Variants in CPHXL observed in about 807,000 individuals in gnomAD.
CPHXL encodes the protein cytoplasmic polyadenylated homeobox like.
chr16:75,715,343 G>T (rs1355902521), intron 2 of CPHXL, 121 bp from the exon 3 acceptor site: 1 of 397,302 alleles, frequency 2.5e-6, no homozygotes, highest in East Asian at 3.6e-5. Flanking sequence ...TCCCTGACTT[G>T]CCTGCTGACA....
intron 1 of CPHXL, among the ~76,000 whole-genome samples, chr16:75,720,396 G>A (rs533297672): frequency 6.6e-6 from 1 of 152,086 alleles, no homozygotes; most frequent in South Asian, 2.1e-4. Context: ...ACCAAAGCAG[G>A]GAAGTCGTTA....
At chr16:75,726,082 G>C (rs1418236308) in intron 1 of CPHXL, among the ~76,000 whole-genome samples, 1 of 151,292 alleles carries the variant, frequency 6.6e-6, no homozygotes, top group East Asian at 2.0e-4. Context: ...TTGAGGTTAA[G>C]AAAGATACAC....
intron 1 of CPHXL, among the ~76,000 whole-genome samples, chr16:75,719,653 C>T (rs1483700820): frequency 2.0e-5 from 3 of 152,194 alleles, no homozygotes; most frequent in African/African-American, 7.2e-5. Context: ...GGCCTGCCTG[C>T]CTCTCTAGAC....
chr16:75,714,293 A>C lies in CPHXL; in HGVS notation c.1149T>G (p.Leu383=), dbSNP rs882263. ...CCTGCATATCTTGCCCCAGAGGCAGAAGGGGTGAGTCGGCAGCTATTTGGA... is the reference window on the plus strand; with the variant it reads ...CCTGCATATCTTGCCCCAGAGGCAGCAGGGGTGAGTCGGCAGCTATTTGGA... ...MSLQIAADSP[L]LPLGQDMQER... The change falls in exon 3 of 3, where the codon CTT becomes CTG. Residue 383 remains leucine (L), a synonymous_variant. Transcript: ENST00000640559. 215,424 of 398,410 alleles carry C rather than the reference A, an allele frequency of 0.54. 65,958 individuals are homozygous for C. The highest frequency in any genetic ancestry group is 0.98 in the East Asian group (27,441 of 28,058). 24.7% of individuals were successfully genotyped at this position (398,410 alleles called of 1,614,324 possible). A position where few individuals can be genotyped will look rare whatever the true frequency, so the allele number is the denominator to read the frequency against.
chr16:75,723,632 C>A (rs1426291499), intron 1 of CPHXL, among the ~76,000 whole-genome samples: 1 of 152,178 alleles, frequency 6.6e-6, no homozygotes, highest in African/African-American at 2.4e-5. Context: ...ACATTCCATG[C>A]TCATGGGTAG....
intron 2 of CPHXL, among the ~76,000 whole-genome samples, chr16:75,717,842 G>C (rs1161623680): frequency 6.6e-6 from 1 of 152,152 alleles, no homozygotes; most frequent in Non-Finnish European, 1.5e-5. Flanking sequence ...TATGTATTTT[G>C]ATTGCACTTT....
At chr16:75,725,515 C>G (rs1180567937) in intron 1 of CPHXL, among the ~76,000 whole-genome samples, 1 of 151,102 alleles carries the variant, frequency 6.6e-6, no homozygotes, top group African/African-American at 2.4e-5. Flanking sequence ...TGCAGCGGCA[C>G]CATCTCGGCT....
At chr16:75,717,444 G>A (rs1001264911) in intron 2 of CPHXL, among the ~76,000 whole-genome samples, 6 of 152,150 alleles carry the variant, frequency 3.9e-5, no homozygotes, top group African/African-American at 1.2e-4. Context: ...TATATAAAAC[G>A]GTGTAGTATT....
At chr16:75,719,468 G>A in intron 1 of CPHXL, among the ~76,000 whole-genome samples, 1 of 152,166 alleles carries the variant, frequency 6.6e-6, no homozygotes, top group East Asian at 1.9e-4. Context: ...GCTGCGCCTG[G>A]CTCAGAGGGT....
rs191514693 is a variant in CPHXL at position 75,719,290 on chromosome 16, C to T, written c.26-832G>A. Reference sequence around the variant, plus strand: ...TGGGTGCAGGGCACCGAGCATGAGCCGAAGCAGGGTGAGGCATCGCCTCAC... The same window carrying T: ...TGGGTGCAGGGCACCGAGCATGAGCTGAAGCAGGGTGAGGCATCGCCTCAC... On this transcript the variant is annotated intron_variant, in intron 1 of 2. Transcript: ENST00000640559. Among the ~76,000 whole-genome samples the T allele has an allele frequency of 3.4e-4, 51 of 152,212 alleles. No individual in the cohort carries two copies. In the East Asian group the frequency reaches 5.8e-3, roughly 17 times the overall value.
At chr16:75,724,455 G>T (rs1192908094) in intron 1 of CPHXL, among the ~76,000 whole-genome samples, 1 of 152,196 alleles carries the variant, frequency 6.6e-6, no homozygotes, top group Admixed American at 6.5e-5. Context: ...CCATCAACAA[G>T]TGGGTGAAGG....
intron 1 of CPHXL, among the ~76,000 whole-genome samples, chr16:75,720,942 C>T (rs1959468348): frequency 6.6e-6 from 1 of 152,152 alleles, no homozygotes; most frequent in South Asian, 2.1e-4. Flanking sequence ...GAGTGGGGGC[C>T]AATATTCAAT....
chr16:75,720,101 G>A (rs1959453519), intron 1 of CPHXL, among the ~76,000 whole-genome samples: 1 of 152,164 alleles, frequency 6.6e-6, no homozygotes, highest in Admixed American at 6.5e-5. Flanking sequence ...AACCCCATCT[G>A]TATGTCACCA....
chr16:75,717,542 T>A (rs1355814521), intron 2 of CPHXL, among the ~76,000 whole-genome samples: 3 of 152,234 alleles, frequency 2.0e-5, no homozygotes, highest in Non-Finnish European at 4.4e-5. Flanking sequence ...ACACAAATGC[T>A]ACATAAATAT....
chr16:75,723,350 C>A (rs1959505078), intron 1 of CPHXL, among the ~76,000 whole-genome samples: 1 of 152,096 alleles, frequency 6.6e-6, no homozygotes, highest in East Asian at 1.9e-4. Flanking sequence ...ATCTAGAAAA[C>A]CCCATCGTCT....
At chr16:75,720,519 G>T (rs929338845) in intron 1 of CPHXL, among the ~76,000 whole-genome samples, 10 of 152,124 alleles carry the variant, frequency 6.6e-5, no homozygotes, top group South Asian at 2.1e-4. Context: ...GAAGATCAAA[G>T]GAATGCAATG....
At chr16:75,723,455 T>C (rs1027241022) in intron 1 of CPHXL, among the ~76,000 whole-genome samples, 8 of 152,078 alleles carry the variant, frequency 5.3e-5, no homozygotes, top group Admixed American at 6.5e-5. Flanking sequence ...TATACACCAA[T>C]AACAGACAAA....
intron 1 of CPHXL, among the ~76,000 whole-genome samples, chr16:75,725,493 C>G (rs1006457226): frequency 1.2e-4 from 18 of 151,090 alleles, no homozygotes; most frequent in African/African-American, 4.1e-4. Context: ...CGCTCTGTCG[C>G]CCAGGCTGGA....
At chr16:75,721,649 T>C (rs954574039) in intron 1 of CPHXL, among the ~76,000 whole-genome samples, 13 of 152,252 alleles carry the variant, frequency 8.5e-5, no homozygotes, top group African/African-American at 3.1e-4. Flanking sequence ...CACAGAATAA[T>C]AATGGGAGAC....
Sources: gnomAD v4.1 joint callset for allele counts (sites outside exome capture counted in the v4.1 genomes callset) on GRCh38, gnomAD v4.1.1 for gene constraint, MANE v1.5 for transcripts, NCBI Gene and HGNC (gene_info 2026-07-23, HGNC 2026-07-21) for gene names.